The following KLHL38 variants were observed in gnomAD, a reference collection of about 807,000 sequenced individuals.
The protein encoded by KLHL38 is kelch-like protein 38.
In KLHL38, 38 loss-of-function variants were observed where a neutral mutation model predicts 39.6. The ratio of observed to expected loss-of-function variants is 0.96; its 90% CI spans 0.74 to 1.26. The LOEUF (loss-of-function observed/expected upper bound fraction) is 1.26, where lower values mean the gene tolerates loss of function less well. KLHL38 is among the 50% of genes most tolerant of loss of function. The pLI, the probability that KLHL38 is intolerant of heterozygous loss-of-function variation, is 0.00. For missense variants in KLHL38, 803 were observed against 748.1 expected, an observed-to-expected ratio of 1.07 and a Z score of -0.86; for synonymous variants, 322 against 302.2, an observed-to-expected ratio of 1.07 and a Z score of -0.68.
Position 123,651,812 on chromosome 8 carries a change from G to A in KLHL38, c.1115C>T (p.Ala372Val), listed in dbSNP as rs1263775030. Reference protein sequence around the residue: ...QWRLGEPMLVARYSHRSTAHK... With the variant: ...QWRLGEPMLVVRYSHRSTAHK... ...GGCAGTGCTTCTGTGGGAGTAGCGG[G>A]CCACCAGCATGGGCTCCCCCAGCCT... The change falls in exon 2 of 4, where the codon GCC (alanine) becomes GTC (valine). Residue 372 changes from alanine to valine, a missense_variant. Ala to Val is a moderately conservative substitution (Grantham distance 64). Transcript: ENST00000684634. 7.4e-6 allele frequency: 12 copies of A among 1,614,012 alleles called. No homozygotes were observed. The Admixed American group carries it at 1.2e-4, about 16-fold the overall frequency.
chr8:123,651,495 T>A, intron 2 of KLHL38, 82 bp downstream of exon 2: 3 of 1,417,798 alleles, frequency 2.1e-6, no homozygotes, highest in Non-Finnish European at 2.8e-6. Flanking sequence ...TGTATACATG[T>A]GCATGTGTGT....
chr8:123,652,822 A>T lies in KLHL38; in HGVS notation c.105T>A (p.Asp35Glu). 6.2e-7 allele frequency: 1 copy of T among 1,612,960 alleles called. No individual in the cohort carries two copies. Residue 35 changes from aspartate (D) to glutamate (E), a missense_variant, in exon 2 of 4, where the codon GAT becomes GAA. Transcript: ENST00000684634. ...CCCGGGCACCGGCACAGATGCTCAC[A>T]TCAGTCAGGATCCTGCTTTGCCTTA... is the stretch of plus-strand genomic sequence containing the variant. ...NSLRQSRILT[D>E]VSICAGAREI...
intron 2 of KLHL38, among the ~76,000 whole-genome samples, 153 bp from the exon 3 acceptor site, chr8:123,647,167 CAGTACTGAAAAACAGGAAGA>C (rs749207854): frequency 6.6e-5 from 10 of 152,072 alleles, no homozygotes; most frequent in Non-Finnish European, 1.5e-4. Context: ...ATAAACAAAA[CAGTACTGAAAAACAGGAAGA>C]AGTATATGAT....
Position 123,651,967 on chromosome 8 carries a change from T to C in KLHL38, c.960A>G (p.Thr320=). Residue 320 remains threonine (T), a synonymous_variant, in exon 2 of 4, where the codon ACA becomes ACG. Coordinates refer to ENST00000684634, the MANE Select transcript of KLHL38 (RefSeq NM_001081675.3). ...GQWQSLAKLP[T]RLYKASAITL... is the part of the protein sequence containing the mutation. ...TGATGGCAGAGGCCTTGTACAGCCG[T>C]GTCGGGAGTTTGGCAAGGCTCTGCC... is the stretch of plus-strand genomic sequence containing the variant. The C allele has an allele frequency of 6.2e-7, 1 of 1,614,204 alleles. No homozygotes were observed. Among genetic ancestry groups the C allele is most frequent in the Non-Finnish European group, 8.5e-7 (1 of 1,180,036 alleles).
intron 3 of KLHL38, among the ~76,000 whole-genome samples, chr8:123,646,630 G>A (rs1487422635): frequency 1.3e-5 from 2 of 152,168 alleles, no homozygotes; most frequent in African/African-American, 4.8e-5. Context: ...TATTTACCGT[G>A]TATCTGGGAT....
chr8:123,647,702 A>T (rs903480953), intron 2 of KLHL38, among the ~76,000 whole-genome samples: 5 of 152,272 alleles, frequency 3.3e-5, no homozygotes, highest in Non-Finnish European at 5.9e-5. Context: ...GATGAATTTC[A>T]TATAAGCAAA....
chr8:123,648,086 AT>A (rs1451164632), intron 2 of KLHL38, among the ~76,000 whole-genome samples: 1 of 152,244 alleles, frequency 6.6e-6, no homozygotes, highest in African/African-American at 2.4e-5. Context: ...TTCTCAAAAA[AT>A]AAAATAAGGT....
At chr8:123,648,287 C>T (rs571655176) in intron 2 of KLHL38, among the ~76,000 whole-genome samples, 4 of 152,228 alleles carry the variant, frequency 2.6e-5, no homozygotes, top group African/African-American at 4.8e-5. Context: ...TGACCAAGCC[C>T]AGAATCCATG....
At chr8:123,649,755 C>T (rs182437218) in intron 2 of KLHL38, among the ~76,000 whole-genome samples, 3 of 152,156 alleles carry the variant, frequency 2.0e-5, no homozygotes, top group African/African-American at 7.2e-5. Context: ...GAGGAGGTTG[C>T]TCCCGGTAGC....
rs776379203 is a variant in KLHL38 at position 123,651,888 on chromosome 8, T to A, written c.1039A>T (p.Ser347Cys). 7 of 1,614,056 alleles carry A rather than the reference T, an allele frequency of 4.3e-6. No homozygotes were observed. The highest frequency in any genetic ancestry group is 1.6e-4 in the Middle Eastern group (1 of 6,084). Residue 347 changes from serine to cysteine, a missense_variant, in exon 2 of 4, where the codon AGT becomes TGT. Transcript: ENST00000684634. Reference protein sequence around the residue: ...LGGMAVSSGRSLVSHNVYIFS... With the variant: ...LGGMAVSSGRCLVSHNVYIFS... ...ATGTAGACATTGTGACTGACCAGAC[T>A]CCTCCCTGAGCTGACAGCCATGCCC... is the stretch of plus-strand genomic sequence containing the variant.
chr8:123,646,167 T>C, intron 3 of KLHL38, 139 bp from the exon 4 acceptor site: 1 of 738,286 alleles, frequency 1.4e-6, no homozygotes, highest in Non-Finnish European at 2.3e-6. Context: ...GATGTTGAGC[T>C]AACCTGCCAA....
chr8:123,651,618 C>A lies in KLHL38; in HGVS notation c.1309G>T (p.Gly437Ter). The change falls in exon 2 of 4, where the codon GGA (glycine) becomes TGA (stop). Residue 437 changes from glycine (G) to a stop codon, truncating the protein, a stop_gained. Transcript: ENST00000684634. LOFTEE classifies it high-confidence loss of function. ...GGGTTCTGCATGATGTCCTCTCCTC[C>A]AAAGAGATAGAGTCTTTGGTCTTTC... ...AVKDQRLYLF[G>*]GEDIMQNPVR... The A allele has an allele frequency of 6.2e-7, 1 of 1,607,676 alleles. No individual in the cohort carries two copies. Among genetic ancestry groups the A allele is most frequent in the Non-Finnish European group, 8.5e-7 (1 of 1,177,858 alleles).
At chr8:123,650,609 A>G (rs552834008) in intron 2 of KLHL38, among the ~76,000 whole-genome samples, 1 of 152,298 alleles carries the variant, frequency 6.6e-6, no homozygotes, top group East Asian at 1.9e-4. Context: ...CAGGCTCAAT[A>G]TTCACGTTCT....
At chr8:123,651,509 A>G in intron 2 of KLHL38, 68 bp downstream of exon 2, 1 of 1,471,436 alleles carries the variant, frequency 6.8e-7, no homozygotes, top group Non-Finnish European at 9.1e-7. Flanking sequence ...TGTGTGTGCA[A>G]GCAGGTGTGG....
intron 2 of KLHL38, among the ~76,000 whole-genome samples, chr8:123,647,222 C>T (rs915131546): frequency 1.3e-5 from 2 of 152,166 alleles, no homozygotes; most frequent in African/African-American, 4.8e-5. Context: ...ATTGTGACCC[C>T]CAGGAACTCA....
At chr8:123,646,866 G>T in intron 3 of KLHL38, 43 bp downstream of exon 3, 4 of 1,367,304 alleles carry the variant, frequency 2.9e-6, no homozygotes, top group Admixed American at 1.9e-5. Flanking sequence ...CATAGAAGGT[G>T]CCAAGTTTGT....
At position 123,653,769 on chromosome 8, in the gene KLHL38, G is replaced by C. The variant is rs975783682; in HGVS notation, c.-185C>G. Among the ~76,000 whole-genome samples the C allele has an allele frequency of 1.3e-5, 2 of 152,244 alleles. No individual in the cohort carries two copies. Among genetic ancestry groups the C allele is most frequent in the African/African-American group, 4.8e-5 (2 of 41,462 alleles). On this transcript the variant is annotated 5_prime_UTR_variant, in exon 1 of 4. Coordinates refer to ENST00000684634, the MANE Select transcript of KLHL38 (RefSeq NM_001081675.3). ...CACTTTCATAGTTTTCTAGAGCTTT[G>C]TGCAAGGACTGCTGGGCAGGGAGAC...
Position 123,645,948 on chromosome 8 carries a change from G to T in KLHL38, c.1537C>A (p.His513Asn). The T allele has an allele frequency of 9.9e-6, 16 of 1,614,164 alleles. No homozygotes were observed. Among genetic ancestry groups the T allele is most frequent in the Non-Finnish European group, 1.2e-5 (14 of 1,180,016 alleles). Reference protein sequence around the residue: ...KCADMKDRRMHHGATVMGNKL... With the variant: ...KCADMKDRRMNHGATVMGNKL... ...TTTCCCATCACTGTGGCCCCATGGTGCATCCTCCGGTCTTTCATGTCCGCA... is the reference window on the plus strand; with the variant it reads ...TTTCCCATCACTGTGGCCCCATGGTTCATCCTCCGGTCTTTCATGTCCGCA... Residue 513 changes from histidine to asparagine, a missense_variant, in exon 4 of 4, where the codon CAC becomes AAC. His to Asn is a moderately conservative substitution (Grantham distance 68, BLOSUM62 1). Coordinates refer to ENST00000684634, the MANE Select transcript of KLHL38 (RefSeq NM_001081675.3).
Position 123,653,579 on chromosome 8 carries a change from C to T in KLHL38, c.-2+7G>A, listed in dbSNP as rs1812696267. 6.6e-6 allele frequency among the ~76,000 whole-genome samples: 1 copy of T among 152,178 alleles called. No individual in the cohort carries two copies. Among genetic ancestry groups the T allele is most frequent in the Non-Finnish European group, 1.5e-5 (1 of 68,044 alleles). On this transcript the variant is annotated splice_region_variant and intron_variant, in intron 1 of 3. Transcript: ENST00000684634. ...TTGCAGAAGAAATAAGTATGAGGGA[C>T]ACTTACCTTGTTTTGCTGCGGTGAC...
Sources: allele counts gnomAD v4.1 joint callset (sites outside exome capture counted in the v4.1 genomes callset), GRCh38; gene constraint gnomAD v4.1.1; transcripts MANE v1.5; gene names NCBI Gene and HGNC (gene_info 2026-07-23, HGNC 2026-07-21).